VWA8: variants seen among roughly 807,000 people sequenced by gnomAD.
VWA8 encodes the protein von Willebrand factor A domain-containing protein 8.
Under a neutral mutation model 241.5 loss-of-function variants are expected in VWA8, and 221 were observed. The ratio of observed to expected loss-of-function variants is 0.91; its 90% CI spans 0.82 to 1.02. The LOEUF (loss-of-function observed/expected upper bound fraction) is 1.02. Among genes scored for constraint, VWA8 ranks in the 50% least tolerant of loss-of-function variants. The pLI is 0.00. For missense variants in VWA8, 2,322 were observed against 2,328.7 expected (o/e 1.00, Z 0.06); for synonymous variants, 852 against 827.1 (o/e 1.03, Z -0.52).
intron 15 of VWA8, among the ~76,000 whole-genome samples, chr13:41,817,417 T>G (rs1870744716): frequency 6.6e-6 from 1 of 152,186 alleles, no homozygotes; most frequent in Non-Finnish European, 1.5e-5. Context: ...AATTTTTGTT[T>G]AAGCAATAAC....
intron 26 of VWA8, among the ~76,000 whole-genome samples, chr13:41,711,663 A>G (rs1307016427): frequency 6.6e-6 from 1 of 152,192 alleles, no homozygotes; most frequent in Admixed American, 6.5e-5. Context: ...TCACGAGGTC[A>G]GGAGATCGAG....
At chr13:41,795,901 A>G (rs929279539) in intron 17 of VWA8, among the ~76,000 whole-genome samples, 1 of 152,152 alleles carries the variant, frequency 6.6e-6, no homozygotes, top group Non-Finnish European at 1.5e-5. Context: ...TGGCACACCT[A>G]TGTAACAAAC....
chr13:41,811,515 T>C (rs1210275124), intron 16 of VWA8, among the ~76,000 whole-genome samples, 175 bp from the exon 17 acceptor site: 1 of 152,172 alleles, frequency 6.6e-6, no homozygotes, highest in African/African-American at 2.4e-5. Flanking sequence ...ACTTAAAACA[T>C]CCTTGAAGAT....
At chr13:41,710,527 C>T (rs975811513) in intron 26 of VWA8, among the ~76,000 whole-genome samples, 1 of 152,210 alleles carries the variant, frequency 6.6e-6, no homozygotes, top group Non-Finnish European at 1.5e-5. Flanking sequence ...CTCATCACCA[C>T]TCTTCTGCTT....
chr13:41,777,945 T>A lies in VWA8; in HGVS notation c.2349+40A>T, dbSNP rs369875809. The stretch of plus-strand genomic sequence containing the variant: ...ACTTACTGCTTTTAAATTGTTACTA[T>A]CATTTTTTCATTGGTACCTAGATTT... On this transcript the variant is annotated intron_variant, in intron 20 of 44. Transcript: ENST00000379310. 15 of 1,514,590 alleles carry A rather than the reference T, an allele frequency of 9.9e-6. No individual in the cohort carries two copies. The South Asian group carries it at 1.7e-4, about 17-fold the overall frequency. 93.8% of individuals were successfully genotyped at this position (1,514,590 alleles called of 1,614,324 possible).
At chr13:41,695,065 T>C (rs989560743) in intron 29 of VWA8, among the ~76,000 whole-genome samples, 1 of 152,150 alleles carries the variant, frequency 6.6e-6, no homozygotes, top group Non-Finnish European at 1.5e-5. Context: ...AAATAGAATT[T>C]TGCGTCACAC....
intron 20 of VWA8, among the ~76,000 whole-genome samples, chr13:41,768,399 A>G (rs2045794219): frequency 6.6e-6 from 1 of 152,250 alleles, no homozygotes; most frequent in African/African-American, 2.4e-5. Flanking sequence ...AATATTAAAT[A>G]ATTCAACATT....
At chr13:41,761,092 GAGATTTTTAA>G in intron 21 of VWA8, 26 bp downstream of exon 21, 1 of 1,583,942 alleles carries the variant, frequency 6.3e-7, no homozygotes, top group African/African-American at 1.4e-5. Flanking sequence ...ATGATTAAAT[GAGATTTTTAA>G]GAGGTTGTGG....
chr13:41,670,180 T>G (rs1057240620), intron 37 of VWA8, among the ~76,000 whole-genome samples: 1 of 152,100 alleles, frequency 6.6e-6, no homozygotes, highest in Admixed American at 6.6e-5. Flanking sequence ...ACTTTTCTTT[T>G]TGTTGGATAA....
chr13:41,619,853 G>A (rs1196506440), intron 37 of VWA8, among the ~76,000 whole-genome samples: 1 of 152,132 alleles, frequency 6.6e-6, no homozygotes, highest in East Asian at 1.9e-4. Context: ...TTTTTGACAT[G>A]CTGCTGGATT....
chr13:41,881,612 G>A (rs969639962), intron 9 of VWA8, among the ~76,000 whole-genome samples: 2 of 150,616 alleles, frequency 1.3e-5, no homozygotes, highest in South Asian at 4.2e-4. Context: ...GCCAGGCAGA[G>A]GGGCTCCTCA....
intron 17 of VWA8, among the ~76,000 whole-genome samples, chr13:41,791,468 G>C (rs1413373306): frequency 1.3e-5 from 2 of 151,580 alleles, no homozygotes; most frequent in African/African-American, 4.8e-5. Context: ...AGAGATTATA[G>C]AAAATTATGA....
intron 37 of VWA8, among the ~76,000 whole-genome samples, chr13:41,669,359 A>T (rs1425089581): frequency 6.6e-6 from 1 of 152,222 alleles, no homozygotes. Flanking sequence ...AGTTTAAAAG[A>T]AAAATTCCAT....
At chr13:41,876,148 A>G (rs191158356) in intron 9 of VWA8, among the ~76,000 whole-genome samples, 5 of 152,214 alleles carry the variant, frequency 3.3e-5, no homozygotes, top group Non-Finnish European at 4.4e-5. Context: ...CTGGATTACT[A>G]CAACAGTCTA....
intron 17 of VWA8, among the ~76,000 whole-genome samples, chr13:41,792,883 T>C (rs1248449485): frequency 1.3e-5 from 2 of 152,116 alleles, no homozygotes; most frequent in East Asian, 1.9e-4. Context: ...TACTGGAGTA[T>C]AGGAAATGTC....
At chr13:41,859,078 TAAAAAAAAAAAATTTAAAAAGTCAGCGTC>T in intron 12 of VWA8, among the ~76,000 whole-genome samples, 1 of 112,118 alleles carries the variant, frequency 8.9e-6, no homozygotes, top group African/African-American at 3.3e-5. Context: ...ACCTGTCTCT[TAAAAAAAAAAAATTTAAAAAGTCAGCGTC>T]AAAAAAAAAA....
At chr13:41,708,460 T>C (rs145919966) in intron 26 of VWA8, among the ~76,000 whole-genome samples, 1 of 152,310 alleles carries the variant, frequency 6.6e-6, no homozygotes, top group East Asian at 1.9e-4. Flanking sequence ...TAACAATGGA[T>C]ACCATTATTA....
intron 14 of VWA8, among the ~76,000 whole-genome samples, chr13:41,830,062 G>GA (rs914965157): frequency 7.2e-5 from 11 of 152,086 alleles, no homozygotes; most frequent in African/African-American, 2.7e-4. Context: ...CTAACAAGGT[G>GA]AAACCCTGTC....
At chr13:41,605,991 C>T (rs1241628508) in intron 39 of VWA8, among the ~76,000 whole-genome samples, 1 of 152,124 alleles carries the variant, frequency 6.6e-6, no homozygotes, top group Non-Finnish European at 1.5e-5. Context: ...ACATCACATG[C>T]CCTGCAAGTG....
Sources: allele counts gnomAD v4.1 joint callset (sites outside exome capture counted in the v4.1 genomes callset), GRCh38; gene constraint gnomAD v4.1.1; transcripts MANE v1.5; gene names NCBI Gene and HGNC (gene_info 2026-07-23, HGNC 2026-07-21).